Variants in ZBTB40 observed in about 807,000 individuals in gnomAD.
ZBTB40 encodes the protein zinc finger and BTB domain containing 40.
In ZBTB40, 60 loss-of-function variants were observed where a neutral mutation model predicts 117.5. The ratio of observed to expected loss-of-function variants is 0.51; its 90% confidence interval spans 0.41 to 0.63. The LOEUF is 0.63. Among genes scored for constraint, ZBTB40 ranks in the 30% least tolerant of loss-of-function variants. ZBTB40 has a pLI of 0.00. For missense variants in ZBTB40, 1,287 were observed against 1,498.5 expected (o/e 0.86, Z 2.33); for synonymous variants, 525 against 577.1 (o/e 0.91, Z 1.29).
chr1:22,471,466 G>T (rs1262835504), intron 1 of ZBTB40, among the ~76,000 whole-genome samples: 1 of 152,210 alleles, frequency 6.6e-6, no homozygotes, highest in Admixed American at 6.5e-5. Context: ...GGTCTTGTGG[G>T]TTATATAACC....
chr1:22,479,329 T>C (rs1349370312), intron 1 of ZBTB40, among the ~76,000 whole-genome samples: 7 of 152,218 alleles, frequency 4.6e-5, no homozygotes, highest in Non-Finnish European at 7.3e-5. Context: ...CTTAGCATAT[T>C]TATCCCTTCT....
At chr1:22,450,005 G>C (rs552019593), upstream of ZBTB40, among the ~76,000 whole-genome samples, 1 of 151,072 alleles carries the variant, frequency 6.6e-6, no homozygotes, top group Non-Finnish European at 1.5e-5. Context: ...GTGCAGTGGC[G>C]TGATCTCAGC....
chr1:22,451,596 G>A (rs1159637259), upstream of ZBTB40, among the ~76,000 whole-genome samples: 1 of 151,220 alleles, frequency 6.6e-6, no homozygotes, highest in Non-Finnish European at 1.5e-5. Context: ...AGTGGGGCGA[G>A]ATCGCGCCGC....
intron 14 of ZBTB40, 47 bp downstream of exon 14, chr1:22,520,322 C>T (rs761060887): frequency 6.6e-7 from 1 of 1,510,614 alleles, no homozygotes; most frequent in Non-Finnish European, 9.1e-7. Flanking sequence ...CCCTGACCTA[C>T]TCTCCATTTG....
rs190697846 is a variant in ZBTB40, at chr1:22,506,100, T to C, written c.1219T>C (p.Leu407=). Residue 407 remains leucine (L), a synonymous_variant, in exon 6 of 18, where the codon TTG becomes CTG. Coordinates refer to ENST00000375647, the MANE Select transcript of ZBTB40 (RefSeq NM_014870.4). ...GRTPKETIEN[L]LHRMTEEKTL... ...AACACCCAAGGAGACAATAGAAAAT[T>C]TGTTGCACAGAATGACTGAAGAGAA... 21 of 1,614,102 alleles carry C rather than the reference T, an allele frequency of 1.3e-5. No individual in the cohort carries two copies. In the East Asian group the frequency reaches 2.0e-4, roughly 15 times the overall value.
intron 17 of ZBTB40, among the ~76,000 whole-genome samples, chr1:22,525,484 G>T (rs1411479990): frequency 6.6e-6 from 1 of 152,188 alleles, no homozygotes; most frequent in African/African-American, 2.4e-5. Context: ...AGGGCATCTA[G>T]CTCTTCTGGG....
rs763208861 is a variant in ZBTB40, at chr1:22,511,720, A to C, written c.2047A>C (p.Ser683Arg). ...TGGAGAGAAGGAAACGTGGAAGGTG[A>C]GTAATAAATTTCACCTTGAAGCCAA... is the stretch of plus-strand genomic sequence containing the variant. ...EDGEKETWKV[S>R]NKFHLEANNK... is the part of the protein sequence containing the mutation. The change falls in exon 11 of 18, where the codon AGT (serine) becomes CGT (arginine). Residue 683 changes from serine (S) to arginine (R), a missense_variant. By Grantham distance (110) the Ser-to-Arg change is moderately radical. This residue lies in a region of ZBTB40 where 870 missense variants were observed against 934.4 expected (regional missense o/e 0.93). Transcript: ENST00000375647. The C allele has an allele frequency of 6.2e-7, 1 of 1,607,366 alleles. No homozygotes were observed. Among genetic ancestry groups the C allele is most frequent in the Non-Finnish European group, 8.5e-7 (1 of 1,178,284 alleles).
rs768711094 is a variant in ZBTB40 at position 22,511,665 on chromosome 1, C to T, written c.2003-11C>T. The T allele has an allele frequency of 2.1e-5, 34 of 1,610,860 alleles. No homozygotes were observed. Among genetic ancestry groups the T allele is most frequent in the Non-Finnish European group, 2.9e-5 (34 of 1,179,246 alleles). ...GAGTTCGCAGAGCCACGAGATGTCT[C>T]TTTTATGCAGGTGTCCTTACTAAGG... On this transcript the variant is annotated splice_polypyrimidine_tract_variant and intron_variant, in intron 10 of 17. Transcript: ENST00000375647.
intron 1 of ZBTB40, among the ~76,000 whole-genome samples, chr1:22,445,662 C>T (rs1225514201): frequency 1.3e-5 from 2 of 152,042 alleles, no homozygotes; most frequent in Non-Finnish European, 2.9e-5. Context: ...TCAAGACCAG[C>T]CTGGCCAACA....
intron 1 of ZBTB40, among the ~76,000 whole-genome samples, chr1:22,487,582 T>TA (rs1638504388): frequency 6.6e-6 from 1 of 152,104 alleles, no homozygotes; most frequent in African/African-American, 2.4e-5. Flanking sequence ...ATTCAGTCCC[T>TA]AAGTCATGAC....
chr1:22,502,434 A>T lies in ZBTB40; in HGVS notation c.1160A>T (p.Glu387Val). 6.2e-7 allele frequency: 1 copy of T among 1,613,968 alleles called. No homozygotes were observed. Among genetic ancestry groups the T allele is most frequent in the Non-Finnish European group, 8.5e-7 (1 of 1,179,878 alleles). Residue 387 changes from glutamate (E) to valine (V), a missense_variant, in exon 5 of 18, where the codon GAA becomes GTA. Physicochemically the swap from Glu to Val is moderately radical, Grantham distance 121. Coordinates refer to ENST00000375647, the MANE Select transcript of ZBTB40 (RefSeq NM_014870.4). The stretch of plus-strand genomic sequence containing the variant: ...AAGGAGGAATTCCTGACTGGCACTG[A>T]AAAAAGGGTAACTGTGTCAAGTGTC... The part of the protein sequence containing the change: ...TAKEEFLTGT[E>V]KRVILNCCEG...
At chr1:22,508,867 C>T (rs1046697980) in intron 8 of ZBTB40, 136 bp downstream of exon 8, 160 of 1,111,080 alleles carry the variant, frequency 1.4e-4, no homozygotes, top group Non-Finnish European at 1.7e-4. Context: ...CAGTTTTGTT[C>T]AAGGACACAA....
At chr1:22,520,614 G>T (rs955763594) in intron 14 of ZBTB40, among the ~76,000 whole-genome samples, 2 of 152,162 alleles carry the variant, frequency 1.3e-5, no homozygotes, top group African/African-American at 4.8e-5. Flanking sequence ...CAGCGGCAAT[G>T]GGGAGTGGAA....
intron 12 of ZBTB40, among the ~76,000 whole-genome samples, chr1:22,515,173 G>A (rs1639343037): frequency 6.6e-6 from 1 of 152,148 alleles, no homozygotes; most frequent in South Asian, 2.1e-4. Flanking sequence ...AGCATCCCAA[G>A]TGCAGAGCTG....
chr1:22,471,879 G>A (rs1230988445), intron 1 of ZBTB40, among the ~76,000 whole-genome samples: 1 of 152,188 alleles, frequency 6.6e-6, no homozygotes, highest in East Asian at 1.9e-4. Context: ...CTGCACTCGA[G>A]AGCAGAGTAA....
Position 22,508,706 on chromosome 1 carries a change from T to C in ZBTB40, c.1674T>C (p.Pro558=). Residue 558 remains proline, a synonymous_variant, in exon 8 of 18, where the codon CCT becomes CCC. Coordinates refer to ENST00000375647, the MANE Select transcript of ZBTB40 (RefSeq NM_014870.4). ...DLLMEEIRRE[P]GADAFFRAVT... ...TCATGGAGGAAATACGAAGGGAGCC[T>C]GGTGCCGATGCTTTCTTCCGGGCAG... The C allele has an allele frequency of 6.2e-7, 1 of 1,613,992 alleles. No individual in the cohort carries two copies. The highest frequency in any genetic ancestry group is 8.5e-7 in the Non-Finnish European group (1 of 1,180,032).
intron 1 of ZBTB40, among the ~76,000 whole-genome samples, chr1:22,435,968 T>C (rs55780819): frequency 0.016 from 2,485 of 151,612 alleles, 70 homozygotes; most frequent in African/African-American, 0.058. Flanking sequence ...TCCCAGCTAC[T>C]TGGGAGGCTG....
At chr1:22,457,044 G>T (rs1641020375) in intron 1 of ZBTB40, among the ~76,000 whole-genome samples, 1 of 152,150 alleles carries the variant, frequency 6.6e-6, no homozygotes, top group Non-Finnish European at 1.5e-5. Context: ...GAGGCAGGAG[G>T]ATCACTTATG....
Position 22,513,227 on chromosome 1 carries a change from C to A in ZBTB40, c.2668+97C>A. On this transcript the variant is annotated intron_variant, in intron 12 of 17. Transcript: ENST00000375647. The surrounding 1 kb of genome is among the most constrained non-coding windows in gnomAD (Gnocchi z 4.9). ...TGTGATATATATCTCAAAAACAAAA[C>A]AATTTGATAGCACAACAGGGTGACT... The A allele has an allele frequency of 7.5e-7, 1 of 1,330,508 alleles. No individual in the cohort carries two copies. The highest frequency in any genetic ancestry group is 1.0e-6 in the Non-Finnish European group (1 of 953,614). 82.4% of individuals were successfully genotyped at this position (1,330,508 alleles called of 1,614,324 possible).
Sources: gnomAD v4.1 joint callset for allele counts (sites outside exome capture counted in the v4.1 genomes callset) on GRCh38, gnomAD v4.1.1 for gene constraint, gnomAD v4.1.1 regional missense constraint, Gnocchi (gnomAD v3.1) non-coding constraint, MANE v1.5 for transcripts, NCBI Gene and HGNC (gene_info 2026-07-23, HGNC 2026-07-21) for gene names.